Variants in TSPAN18 observed in about 807,000 individuals in gnomAD.
TSPAN18 encodes the protein tetraspanin 18.
A neutral mutation model predicts 27.3 loss-of-function variants in TSPAN18; 14 were observed. The ratio of observed to expected loss-of-function variants is 0.51; its 90% CI spans 0.34 to 0.80. TSPAN18 has a LOEUF of 0.80. Among genes scored for constraint, TSPAN18 ranks in the 30% least tolerant of loss-of-function variants. The pLI is 0.01. For synonymous variants in TSPAN18, 143 were observed against 136.5 expected (o/e 1.05, Z -0.33); for missense variants, 268 against 323.9 (o/e 0.83, Z 1.32).
At chr11:44,926,614 A>G (rs1860365223) in intron 8 of TSPAN18, 60 bp from the exon 9 acceptor site, 1 of 1,486,616 alleles carries the variant, frequency 6.7e-7, no homozygotes, top group Admixed American at 1.7e-5. Flanking sequence ...CACATGCTGG[A>G]CTCTGACTCC....
At chr11:44,885,836 G>A (rs1858633256) in intron 3 of TSPAN18, 1 of 152,230 alleles carries the variant, frequency 6.6e-6, no homozygotes, top group African/African-American at 2.4e-5. Flanking sequence ...CCTCTTATGG[G>A]AAGGGGTTGT....
At chr11:44,925,252 C>A (rs137923258) in intron 8 of TSPAN18, among the ~76,000 whole-genome samples, 1 of 152,390 alleles carries the variant, frequency 6.6e-6, no homozygotes, top group Non-Finnish European at 1.5e-5. Flanking sequence ...CTGGGCTCCA[C>A]ACCAGACCCA....
In TSPAN18 at chr11:44,919,839, G is replaced by T; in HGVS notation, c.455G>T (p.Gly152Val). The T allele has an allele frequency of 6.2e-7, 1 of 1,614,120 alleles. No individual in the cohort carries two copies. The highest frequency in any genetic ancestry group is 8.5e-7 in the Non-Finnish European group (1 of 1,179,994). The change falls in exon 8 of 10, where the codon GGG becomes GTG. Residue 152 changes from glycine (G) to valine (V), a missense_variant. Transcript: ENST00000520358. ...TAGTTTGGTTGCTGCGGGGTCAACG[G>T]GCCTGAAGACTTTAAGTTTGCATCT... ...MITFGCCGVN[G>V]PEDFKFASVF...
chr11:44,879,822 G>A (rs1393200715), intron 3 of TSPAN18, among the ~76,000 whole-genome samples: 1 of 152,252 alleles, frequency 6.6e-6, no homozygotes, highest in Non-Finnish European at 1.5e-5. Flanking sequence ...CTGGAGGCCA[G>A]ATGGCAAAGC....
rs1358160856 is a variant in TSPAN18, at chr11:44,727,209, G to A, written c.-318G>A. 2 of 151,622 alleles carry A rather than the reference G, an allele frequency of 1.3e-5. No individual in the cohort carries two copies. Among genetic ancestry groups the A allele is most frequent in the African/African-American group, 2.4e-5 (1 of 41,300 alleles). The allele number at this position is 151,622 out of a possible 1,614,324, so 9.4% of individuals were successfully genotyped here. On this transcript the variant is annotated 5_prime_UTR_variant, in exon 1 of 10. Transcript: ENST00000520358. ...GCAGCCGGCGCCGGGCAAGTTGCGAGCGCGCCCCTCCGACCAGGAAAGTTT... is the reference window on the plus strand; with the variant it reads ...GCAGCCGGCGCCGGGCAAGTTGCGAACGCGCCCCTCCGACCAGGAAAGTTT...
intron 3 of TSPAN18, among the ~76,000 whole-genome samples, chr11:44,889,166 A>T (rs1038187846): frequency 1.3e-5 from 2 of 152,198 alleles, no homozygotes; most frequent in East Asian, 3.9e-4. Flanking sequence ...GTGAGAACGG[A>T]TTAATACAGA....
At chr11:44,731,032 T>C (rs1475801064) in intron 1 of TSPAN18, among the ~76,000 whole-genome samples, 2 of 152,236 alleles carry the variant, frequency 1.3e-5, no homozygotes, top group Non-Finnish European at 2.9e-5. Flanking sequence ...ATTCAGCTCT[T>C]GCCCCTGGTC....
intron 2 of TSPAN18, among the ~76,000 whole-genome samples, chr11:44,817,604 A>G (rs984188130): frequency 6.6e-6 from 1 of 152,270 alleles, no homozygotes; most frequent in African/African-American, 2.4e-5. Flanking sequence ...CCTTGGGCAC[A>G]GTCATGCCTC....
chr11:44,831,260 C>T (rs1006058775), intron 2 of TSPAN18, among the ~76,000 whole-genome samples: 3 of 152,156 alleles, frequency 2.0e-5, no homozygotes, highest in African/African-American at 7.2e-5. Context: ...TCTGAGGACC[C>T]CCATCTGTTC....
rs149615992 is a variant in TSPAN18 at position 44,925,766 on chromosome 11, A to G, written c.616-908A>G. 1.2e-3 allele frequency: 178 copies of G among 152,276 alleles called. 1 individual carries two copies. Among genetic ancestry groups the G allele is most frequent in the Non-Finnish European group, 1.3e-3 (89 of 68,026 alleles). 9.4% of individuals were successfully genotyped at this position (152,276 alleles called of 1,614,324 possible). ...ATGCAGGCTCCTATAAAGGAAGGAA[A>G]GTTCTCCCACTTTGAAAATACGTGT... is the stretch of plus-strand genomic sequence containing the variant. On this transcript the variant is annotated intron_variant, in intron 8 of 9. Coordinates refer to ENST00000520358, the MANE Select transcript of TSPAN18 (RefSeq NM_130783.5).
chr11:44,819,117 G>A (rs1856873751), intron 2 of TSPAN18, among the ~76,000 whole-genome samples: 1 of 152,230 alleles, frequency 6.6e-6, no homozygotes, highest in Admixed American at 6.5e-5. Flanking sequence ...TGGGGAAGGA[G>A]TCAGGCTGCT....
At chr11:44,803,798 TG>T in intron 2 of TSPAN18, among the ~76,000 whole-genome samples, 1 of 152,078 alleles carries the variant, frequency 6.6e-6, no homozygotes, top group South Asian at 2.1e-4. Context: ...CTAAGAAAAA[TG>T]GTGGGAACTC....
intron 3 of TSPAN18, among the ~76,000 whole-genome samples, chr11:44,862,067 G>GT (rs1857908199): frequency 6.6e-6 from 1 of 152,138 alleles, no homozygotes; most frequent in East Asian, 1.9e-4. Context: ...CCTCTTTAGG[G>GT]TTTTTTGCGC....
intron 2 of TSPAN18, among the ~76,000 whole-genome samples, chr11:44,809,985 A>C (rs868380809): frequency 6.6e-6 from 1 of 152,204 alleles, no homozygotes. Flanking sequence ...TGATTACCAT[A>C]GGTCATAGGG....
At chr11:44,731,696 CT>C (rs1854665467) in intron 1 of TSPAN18, among the ~76,000 whole-genome samples, 1 of 147,896 alleles carries the variant, frequency 6.8e-6, no homozygotes. Context: ...GAATAAGTTG[CT>C]TTTTTGGTTC....
At chr11:44,743,085 T>A (rs1351526323) in intron 1 of TSPAN18, among the ~76,000 whole-genome samples, 1 of 152,106 alleles carries the variant, frequency 6.6e-6, no homozygotes, top group Non-Finnish European at 1.5e-5. Flanking sequence ...TCTTCCTGAG[T>A]CACCTCTGCC....
At chr11:44,878,529 C>T (rs951621933) in intron 3 of TSPAN18, among the ~76,000 whole-genome samples, 2 of 152,090 alleles carry the variant, frequency 1.3e-5, no homozygotes, top group African/African-American at 2.4e-5. Context: ...GGAAATGTTG[C>T]ATAGGATGGT....
intron 2 of TSPAN18, among the ~76,000 whole-genome samples, chr11:44,826,867 A>G (rs1449928144): frequency 1.3e-5 from 2 of 152,154 alleles, no homozygotes; most frequent in Non-Finnish European, 2.9e-5. Context: ...CTCTTTCTGT[A>G]TAATGTCATT....
intron 2 of TSPAN18, among the ~76,000 whole-genome samples, chr11:44,818,845 C>T (rs1204985648): frequency 6.6e-6 from 1 of 152,154 alleles, no homozygotes; most frequent in African/African-American, 2.4e-5. Context: ...GCTCAAGGGG[C>T]CTAGGCCTGA....
Sources: allele counts gnomAD v4.1 joint callset (sites outside exome capture counted in the v4.1 genomes callset), GRCh38; gene constraint gnomAD v4.1.1; transcripts MANE v1.5; gene names NCBI Gene and HGNC (gene_info 2026-07-23, HGNC 2026-07-21).